Variants in LDB2 observed in about 807,000 individuals in gnomAD.
The protein encoded by LDB2 is LIM domain-binding protein 2.
LDB2 carries 12 observed loss-of-function variants against 44.3 expected under a neutral mutation model. That is an observed-to-expected ratio of 0.27 (90% CI 0.17 to 0.44). The LOEUF (loss-of-function observed/expected upper bound fraction) is 0.44, where lower values mean the gene tolerates loss of function less well. Ranked by LOEUF, LDB2 falls within the 20% of genes least tolerant of loss-of-function variation. The pLI is 1.00. For missense variants in LDB2, 344 were observed against 473.5 expected (o/e 0.73, Z 2.54); for synonymous variants, 164 against 174.8 (o/e 0.94, Z 0.49).
At chr4:16,786,176 C>T (rs1295640099) in intron 1 of LDB2, among the ~76,000 whole-genome samples, 1 of 152,202 alleles carries the variant, frequency 6.6e-6, no homozygotes, top group Admixed American at 6.5e-5. Flanking sequence ...CCATGATCCA[C>T]AGGCTCTGTA....
chr4:16,813,274 C>G (rs936460162), intron 1 of LDB2, among the ~76,000 whole-genome samples: 2 of 152,172 alleles, frequency 1.3e-5, no homozygotes, highest in African/African-American at 4.8e-5. Context: ...GTGTGAGCCA[C>G]TGTGCCCAGC....
intron 2 of LDB2, among the ~76,000 whole-genome samples, chr4:16,716,497 G>A (rs1757104001): frequency 6.6e-6 from 1 of 152,194 alleles, no homozygotes; most frequent in African/African-American, 2.4e-5. Flanking sequence ...TGCGACACCT[G>A]AAGTAGCAAT....
chr4:16,783,955 T>G (rs1773857264), intron 1 of LDB2, among the ~76,000 whole-genome samples: 1 of 152,198 alleles, frequency 6.6e-6, no homozygotes, highest in Admixed American at 6.5e-5. Flanking sequence ...TTCCCTTTAT[T>G]ACTGAAGAAT....
At chr4:16,764,113 C>T (rs1266615881) in intron 1 of LDB2, among the ~76,000 whole-genome samples, 2 of 152,056 alleles carry the variant, frequency 1.3e-5, no homozygotes, top group Non-Finnish European at 2.9e-5. Flanking sequence ...CCAATACATG[C>T]TTTTTTGTAA....
intron 2 of LDB2, among the ~76,000 whole-genome samples, chr4:16,659,642 C>A (rs908824294): frequency 1.2e-5 from 1 of 81,276 alleles, no homozygotes; most frequent in Admixed American, 1.3e-4. Flanking sequence ...TATATATATA[C>A]ACACACACAT....
chr4:16,779,007 G>A (rs1185098683), intron 1 of LDB2, among the ~76,000 whole-genome samples: 3 of 152,124 alleles, frequency 2.0e-5, no homozygotes, highest in Non-Finnish European at 4.4e-5. Context: ...CTTAGAAAAG[G>A]ACAATTTCGA....
intron 2 of LDB2, among the ~76,000 whole-genome samples, chr4:16,652,620 G>C (rs1430033437): frequency 6.6e-6 from 1 of 152,192 alleles, no homozygotes; most frequent in African/African-American, 2.4e-5. Flanking sequence ...ATCCCAGCTA[G>C]ACATCGGGTA....
intron 1 of LDB2, among the ~76,000 whole-genome samples, chr4:16,821,245 T>C (rs1253785035): frequency 3.9e-5 from 6 of 152,232 alleles, no homozygotes; most frequent in African/African-American, 1.4e-4. Context: ...AAAGGAAGCA[T>C]TGATCTAGCT....
intron 1 of LDB2, among the ~76,000 whole-genome samples, chr4:16,858,145 C>A (rs1379907877): frequency 1.3e-5 from 2 of 152,054 alleles, no homozygotes; most frequent in Non-Finnish European, 2.9e-5. Context: ...TAGTAACAAC[C>A]CAGTGAGATA....
At chr4:16,649,512 C>G (rs1025303720) in intron 2 of LDB2, among the ~76,000 whole-genome samples, 2 of 152,174 alleles carry the variant, frequency 1.3e-5, no homozygotes, top group East Asian at 3.9e-4. Context: ...TAAGTTAGTA[C>G]ACAGAGGGCA....
chr4:16,666,647 A>C (rs11734708), intron 2 of LDB2, among the ~76,000 whole-genome samples: 26,279 of 152,182 alleles, frequency 0.17, 2,594 homozygotes, highest in East Asian at 0.26. Context: ...GTGGCTTCAC[A>C]CCAGTTACCT....
chr4:16,603,744 T>C (rs1246511350), intron 2 of LDB2, among the ~76,000 whole-genome samples: 1 of 152,114 alleles, frequency 6.6e-6, no homozygotes, highest in Non-Finnish European at 1.5e-5. Flanking sequence ...TTGATTCAAA[T>C]TAAATTAAAT....
chr4:16,800,484 T>A (rs1272867792), intron 1 of LDB2, among the ~76,000 whole-genome samples: 1 of 152,234 alleles, frequency 6.6e-6, no homozygotes, highest in Admixed American at 6.5e-5. Flanking sequence ...ATTTGACATG[T>A]GTTCATTTTA....
At chr4:16,621,012 G>A (rs563919048) in intron 2 of LDB2, among the ~76,000 whole-genome samples, 1 of 152,296 alleles carries the variant, frequency 6.6e-6, no homozygotes, top group East Asian at 1.9e-4. Flanking sequence ...TTGGCAGGTG[G>A]CAAATGAACA....
At chr4:16,758,810 G>C (rs1021130937) in intron 2 of LDB2, among the ~76,000 whole-genome samples, 1 of 152,180 alleles carries the variant, frequency 6.6e-6, no homozygotes, top group Non-Finnish European at 1.5e-5. Flanking sequence ...TCCAGAAGCA[G>C]AACATTGGAT....
Position 16,756,238 on chromosome 4 carries a change from C to T in LDB2, c.235+2920G>A, listed in dbSNP as rs1011663218. On this transcript the variant is annotated intron_variant, in intron 2 of 7. Transcript: ENST00000304523. ...GGCTGGGCTGGTGGATCACTTCGGGCCAGGAGTTAGAGACCAGCCTGGCCA... is the reference window on the plus strand; with the variant it reads ...GGCTGGGCTGGTGGATCACTTCGGGTCAGGAGTTAGAGACCAGCCTGGCCA... 3.3e-5 allele frequency among the ~76,000 whole-genome samples: 5 copies of T among 152,018 alleles called. No homozygotes were observed. The East Asian group carries it at 9.6e-4, about 29-fold the overall frequency.
chr4:16,874,741 C>A (rs886552910), intron 1 of LDB2, among the ~76,000 whole-genome samples: 9 of 152,160 alleles, frequency 5.9e-5, no homozygotes, highest in Non-Finnish European at 1.0e-4. Context: ...CTTGGTGGCA[C>A]AAAGGTTATA....
chr4:16,673,101 T>C (rs1348713935), intron 2 of LDB2, among the ~76,000 whole-genome samples: 2 of 152,106 alleles, frequency 1.3e-5, no homozygotes, highest in African/African-American at 2.4e-5. Context: ...TTGTGACCAA[T>C]GGGATTGTAA....
chr4:16,813,712 A>G (rs1264503758), intron 1 of LDB2, among the ~76,000 whole-genome samples: 10 of 152,210 alleles, frequency 6.6e-5, no homozygotes. Context: ...AGAGAGGATG[A>G]CACACCCAAG....
Sources: allele counts gnomAD v4.1 joint callset (sites outside exome capture counted in the v4.1 genomes callset), GRCh38; gene constraint gnomAD v4.1.1; transcripts MANE v1.5; gene names NCBI Gene and HGNC (gene_info 2026-07-23, HGNC 2026-07-21).